The following PPA1 variants were observed in gnomAD, a reference collection of about 807,000 sequenced individuals.
The protein encoded by PPA1 is inorganic pyrophosphatase 1, also known as inorganic pyrophosphatase.
In PPA1, 23 loss-of-function variants were observed where a neutral mutation model predicts 41.8. The ratio of observed to expected loss-of-function variants is 0.55; its 90% confidence interval spans 0.40 to 0.78. The LOEUF is 0.78. Ranked by LOEUF, PPA1 falls within the 30% of genes least tolerant of loss-of-function variation. PPA1 has a pLI of 0.00. For synonymous variants in PPA1, 101 were observed against 116.8 expected, an observed-to-expected ratio of 0.86 and a Z score of 0.87; for missense variants, 320 against 361.6, an observed-to-expected ratio of 0.89 and a Z score of 0.93.
intron 10 of PPA1, chr10:70,204,222 T>G (rs1839912056): frequency 2.0e-5 from 3 of 152,076 alleles, no homozygotes. Context: ...TGAAACTCTA[T>G]CTCTACAAAT....
chr10:70,228,395 C>G (rs980463606), intron 2 of PPA1, among the ~76,000 whole-genome samples: 1 of 152,102 alleles, frequency 6.6e-6, no homozygotes, highest in African/African-American at 2.4e-5. Flanking sequence ...AGCTCTATGT[C>G]AAGAAAATGT....
chr10:70,210,482 T>C (rs1042994478), intron 6 of PPA1: 1 of 1,333,840 alleles, frequency 7.5e-7, no homozygotes, highest in African/African-American at 1.5e-5. Flanking sequence ...TAAATGTGAC[T>C]AGACTTTGCT....
rs1293804254 is a variant in PPA1, at chr10:70,213,489, T to G, written c.485A>C (p.Asp162Ala). ...ATTATAATTGGCTGCATCAGGATCA[T>G]CCACATTAATGGCAATGACTTTCCA... ...TDWKVIAINV[D>A]DPDAANYNDI... is the part of the protein sequence containing the mutation. The change falls in exon 6 of 11, where the codon GAT (aspartate) becomes GCT (alanine). Residue 162 changes from aspartate to alanine, a missense_variant. Physicochemically the swap from Asp to Ala is moderately radical, Grantham distance 126. Transcript: ENST00000373232. 1 of 1,613,922 alleles carries G rather than the reference T, an allele frequency of 6.2e-7. No individual in the cohort carries two copies. Among genetic ancestry groups the G allele is most frequent in the Non-Finnish European group, 8.5e-7 (1 of 1,179,924 alleles).
intron 2 of PPA1, among the ~76,000 whole-genome samples, chr10:70,221,091 T>TTTGTAGAGA (rs1840162696): frequency 1.6e-5 from 1 of 60,648 alleles, no homozygotes; most frequent in African/African-American, 7.9e-5. Context: ...TTTTTTTTTT[T>TTTGTAGAGA]TTTTGTAGAG....
Position 70,220,799 on chromosome 10 carries a change from A to AATATATATAATTTTTATATATATT in PPA1, c.124-2006_124-1983dup, listed in dbSNP as rs1489982298. ...TAATATATATAATTTATATATATAT[A>AATATATATAATTTTTATATATATT]ATATATATAATTTTTATATATATTA... On this transcript the variant is annotated intron_variant, in intron 2 of 10. Transcript: ENST00000373232. Among the ~76,000 whole-genome samples the AATATATATAATTTTTATATATATT allele has an allele frequency of 3.3e-3, 6 of 1,834 alleles. 2 individuals carry two copies. The highest frequency in any genetic ancestry group is 5.7e-3 in the Non-Finnish European group (6 of 1,050). The allele number at this position is 1,834 out of a possible 152,430, so 1.2% of individuals were successfully genotyped here.
chr10:70,218,057 A>G (rs1433226303), intron 3 of PPA1, 126 bp from the exon 4 acceptor site: 2 of 881,906 alleles, frequency 2.3e-6, no homozygotes, highest in Non-Finnish European at 3.2e-6. Context: ...TTTTATCCCT[A>G]ACACTTTTAT....
At chr10:70,210,501 C>T in intron 6 of PPA1, 1 of 1,254,822 alleles carries the variant, frequency 8.0e-7, no homozygotes, top group Non-Finnish European at 1.1e-6. Flanking sequence ...CTGGATAGTA[C>T]AGGCACTGTA....
At chr10:70,211,291 C>T (rs1051244896) in intron 6 of PPA1, among the ~76,000 whole-genome samples, 2 of 152,148 alleles carry the variant, frequency 1.3e-5, no homozygotes, top group African/African-American at 4.8e-5. Context: ...AACTAATTCT[C>T]CAATTATTCA....
intron 9 of PPA1, 132 bp from the exon 10 acceptor site, chr10:70,205,047 A>C: frequency 1.6e-6 from 1 of 639,652 alleles, no homozygotes; most frequent in South Asian, 2.2e-5. Context: ...TTTATAATAT[A>C]TAGGAACAAT....
intron 3 of PPA1, 69 bp downstream of exon 3, chr10:70,218,695 G>C (rs1014059610): frequency 1.6e-6 from 2 of 1,252,206 alleles, no homozygotes; most frequent in Non-Finnish European, 2.3e-6. Context: ...GTTCATCCTT[G>C]ATCAAGTCAG....
Position 70,203,076 on chromosome 10 carries a change from A to G in PPA1, c.*79T>C. ...TGAGTTCTACAAATTTAAAGCTTTG[A>G]AAAGCTACTACTTTTACTTCTAATA... On this transcript the variant is annotated 3_prime_UTR_variant, in exon 11 of 11. Coordinates refer to ENST00000373232, the MANE Select transcript of PPA1 (RefSeq NM_021129.4). 7.1e-7 allele frequency: 1 copy of G among 1,416,704 alleles called. No individual in the cohort carries two copies. 87.8% of individuals were successfully genotyped at this position (1,416,704 alleles called of 1,614,324 possible). A position where few individuals can be genotyped will look rare whatever the true frequency, so the allele number is the denominator to read the frequency against.
Position 70,202,944 on chromosome 10 carries a change from T to C in PPA1, c.*211A>G, listed in dbSNP as rs903089158. 1 of 575,538 alleles carries C rather than the reference T, an allele frequency of 1.7e-6. No individual in the cohort carries two copies. The highest frequency in any genetic ancestry group is 1.9e-5 in the African/African-American group (1 of 52,708). 35.7% of individuals were successfully genotyped at this position (575,538 alleles called of 1,614,324 possible). On this transcript the variant is annotated 3_prime_UTR_variant, in exon 11 of 11. Transcript: ENST00000373232. ...CTTCCAAATGACAACTGCTTTGATA[T>C]TTAAGCATGTGCTAAAAGTTATCTT... is the stretch of plus-strand genomic sequence containing the variant.
intron 2 of PPA1, among the ~76,000 whole-genome samples, chr10:70,221,947 AG>A (rs1309056343): frequency 6.6e-6 from 1 of 152,210 alleles, no homozygotes; most frequent in Admixed American, 6.6e-5. Flanking sequence ...ATTAATGGGA[AG>A]GAAAAAAATA....
At chr10:70,220,955 A>AT (rs1554830601) in intron 2 of PPA1, among the ~76,000 whole-genome samples, 1 of 9,574 alleles carries the variant, frequency 1.0e-4, no homozygotes, top group African/African-American at 3.3e-4. Context: ...ATTTATATAT[A>AT]ATATATATAA....
chr10:70,217,403 G>A (rs2394669), intron 4 of PPA1, among the ~76,000 whole-genome samples: 3,451 of 152,192 alleles, frequency 0.023, 125 homozygotes, highest in African/African-American at 0.078. Context: ...GAGAAAGAAA[G>A]GGAGGCAAGT....
chr10:70,217,177 T>TA (rs879670304), intron 4 of PPA1, among the ~76,000 whole-genome samples: 28 of 141,636 alleles, frequency 2.0e-4, no homozygotes, highest in Non-Finnish European at 2.2e-4. Flanking sequence ...TTTTTTTAAT[T>TA]AAAAAAAAAA....
At chr10:70,208,365 G>A (rs1163584099) in intron 8 of PPA1, among the ~76,000 whole-genome samples, 2 of 151,930 alleles carry the variant, frequency 1.3e-5, no homozygotes, top group Non-Finnish European at 1.5e-5. Flanking sequence ...TTGAGACAGG[G>A]TCTTGCTCAG....
intron 6 of PPA1, among the ~76,000 whole-genome samples, chr10:70,211,071 C>G (rs760622816): frequency 1.3e-5 from 2 of 152,120 alleles, no homozygotes; most frequent in Non-Finnish European, 2.9e-5. Flanking sequence ...CCGCTTCAAT[C>G]CAATTTATAA....
intron 8 of PPA1, among the ~76,000 whole-genome samples, chr10:70,208,861 C>T (rs531584599): frequency 2.2e-4 from 33 of 150,592 alleles, no homozygotes; most frequent in South Asian, 2.1e-4. Context: ...GGTACGATCA[C>T]GGCTCACTGC....
Sources: gnomAD v4.1 joint callset for allele counts (sites outside exome capture counted in the v4.1 genomes callset) on GRCh38, gnomAD v4.1.1 for gene constraint, MANE v1.5 for transcripts, NCBI Gene and HGNC (gene_info 2026-07-23, HGNC 2026-07-21) for gene names.